The following SERPINB8 variants were observed in gnomAD, a reference collection of about 807,000 sequenced individuals.
SERPINB8 encodes serpin B8.
Under a neutral mutation model 35.3 loss-of-function variants are expected in SERPINB8, and 25 were observed. The ratio of observed to expected loss-of-function variants is 0.71; its 90% CI spans 0.52 to 0.99. The LOEUF (loss-of-function observed/expected upper bound fraction) is 0.99. SERPINB8 is among the 50% of genes least tolerant of loss of function. SERPINB8 has a pLI of 0.00. For synonymous variants in SERPINB8, 186 were observed against 160.8 expected (o/e 1.16, Z -1.19); for missense variants, 484 against 446.5 (o/e 1.08, Z -0.76).
At chr18:63,993,885 A>G (rs1218172760), downstream of SERPINB8, among the ~76,000 whole-genome samples, 2 of 152,086 alleles carry the variant, frequency 1.3e-5, no homozygotes, top group Non-Finnish European at 2.9e-5. Context: ...CTACATTCCG[A>G]GCTCAGACAG....
At chr18:63,993,858 CATGCCT>C (rs1419386288), downstream of SERPINB8, among the ~76,000 whole-genome samples, 1 of 152,198 alleles carries the variant, frequency 6.6e-6, no homozygotes, top group East Asian at 1.9e-4. Flanking sequence ...TGAGCCAGGC[CATGCCT>C]TTATGCATCT....
In SERPINB8 at chr18:63,985,170, C is replaced by T; in HGVS notation, c.645C>T (p.Val215=). 1.2e-6 allele frequency: 2 copies of T among 1,614,180 alleles called. No individual in the cohort carries two copies. The highest frequency in any genetic ancestry group is 1.1e-5 in the South Asian group (1 of 91,084). ...ATGCGGATGAGGTACACACCCAGGTCCTGGAGCTGCCCTATGTGGAAGAGG... is the reference window on the plus strand; with the variant it reads ...ATGCGGATGAGGTACACACCCAGGTTCTGGAGCTGCCCTATGTGGAAGAGG... ...MGYADEVHTQ[V]LELPYVEEEL... The change falls in exon 6 of 7, where the codon GTC becomes GTT. Residue 215 remains valine (V), a synonymous_variant. Coordinates refer to ENST00000397985, the MANE Select transcript of SERPINB8 (RefSeq NM_002640.4).
At chr18:63,994,506 C>T (rs967941750) in intron 1 of SERPINB8, among the ~76,000 whole-genome samples, 1 of 152,162 alleles carries the variant, frequency 6.6e-6, no homozygotes, top group African/African-American at 2.4e-5. Flanking sequence ...AGCCATGCCA[C>T]GGGGTGTCTG....
At chr18:63,975,060 G>A (rs1236610746) in intron 1 of SERPINB8, among the ~76,000 whole-genome samples, 2 of 151,754 alleles carry the variant, frequency 1.3e-5, no homozygotes, top group African/African-American at 2.4e-5. Context: ...AGTTCATTCA[G>A]AACTATTGAA....
chr18:63,972,847 T>C (rs909449253), intron 1 of SERPINB8, among the ~76,000 whole-genome samples: 1 of 152,190 alleles, frequency 6.6e-6, no homozygotes, highest in African/African-American at 2.4e-5. Flanking sequence ...TGCATAGTAT[T>C]CCATGGTGTA....
chr18:64,006,019 G>A (rs1174304742), downstream of SERPINB8, among the ~76,000 whole-genome samples: 1 of 152,156 alleles, frequency 6.6e-6, no homozygotes. Context: ...CAGCTCCCAG[G>A]TCCTTAGGAA....
downstream of SERPINB8, chr18:63,989,422 T>C (rs1226976830): frequency 1.3e-5 from 2 of 152,196 alleles, no homozygotes; most frequent in Non-Finnish European, 2.9e-5. Context: ...TATAGATACA[T>C]AGAAGTAGAA....
At chr18:63,979,180 A>AGG (rs1267094288) in intron 2 of SERPINB8, among the ~76,000 whole-genome samples, 1 of 152,196 alleles carries the variant, frequency 6.6e-6, no homozygotes, top group Non-Finnish European at 1.5e-5. Context: ...CTTTCAACTG[A>AGG]TTGGAGGAGT....
exon 2 of SERPINB8, chr18:64,005,080 A>G (rs59220583): frequency 0.31 from 118,636 of 381,306 alleles, 19,683 homozygotes; most frequent in South Asian, 0.48. Flanking sequence ...AGACATTCAA[A>G]TGTCCAAGAA....
rs780593632 is a variant in SERPINB8 at position 63,987,138 on chromosome 18, G to A, written c.985G>A (p.Ala329Thr). 6 of 1,614,116 alleles carry A rather than the reference G, an allele frequency of 3.7e-6. No homozygotes were observed. Among genetic ancestry groups the A allele is most frequent in the South Asian group, 1.1e-5 (1 of 91,078 alleles). Reference protein sequence around the residue: ...VEVNEEGTEAAAATAVVRNSR... With the variant: ...VEVNEEGTEATAATAVVRNSR... ...GGTCAATGAGGAAGGCACAGAGGCT[G>A]CCGCAGCCACTGCTGTGGTCAGGAA... The change falls in exon 7 of 7, where the codon GCC (alanine) becomes ACC (threonine). Residue 329 changes from alanine to threonine, a missense_variant. Transcript: ENST00000397985.
downstream of SERPINB8, among the ~76,000 whole-genome samples, chr18:63,994,213 C>A (rs1418267854): frequency 6.6e-6 from 1 of 152,026 alleles, no homozygotes; most frequent in African/African-American, 2.4e-5. Flanking sequence ...GGCACCATGT[C>A]CTGGGTAGCC....
intron 7 of SERPINB8, among the ~76,000 whole-genome samples, chr18:64,017,967 A>G (rs1215152684): frequency 6.6e-6 from 1 of 152,242 alleles, no homozygotes; most frequent in Non-Finnish European, 1.5e-5. Context: ...ATTACAAACC[A>G]TGCTGGTCAC....
chr18:63,994,077 C>T (rs2050837192), downstream of SERPINB8, among the ~76,000 whole-genome samples: 1 of 152,088 alleles, frequency 6.6e-6, no homozygotes, highest in African/African-American at 2.4e-5. Context: ...TGTCCCTCCC[C>T]TTGGCTCCTG....
At chr18:64,003,751 C>T (rs1410688325) in intron 1 of SERPINB8, among the ~76,000 whole-genome samples, 2 of 152,100 alleles carry the variant, frequency 1.3e-5, no homozygotes, top group Non-Finnish European at 2.9e-5. Flanking sequence ...ATTCCAGTGT[C>T]AGGCAGGTGA....
downstream of SERPINB8, among the ~76,000 whole-genome samples, chr18:64,009,553 A>C (rs1222174255): frequency 6.6e-6 from 1 of 152,228 alleles, no homozygotes; most frequent in Non-Finnish European, 1.5e-5. Flanking sequence ...CATATGTGGA[A>C]ATGTGAGATG....
At chr18:64,016,775 G>A (rs1202846143) in intron 7 of SERPINB8, among the ~76,000 whole-genome samples, 3 of 152,118 alleles carry the variant, frequency 2.0e-5, no homozygotes, top group African/African-American at 7.2e-5. Context: ...AAGACAAATG[G>A]GAACTGTGAG....
intron 4 of SERPINB8, 44 bp from the exon 5 acceptor site, chr18:63,983,535 C>G: frequency 3.1e-6 from 5 of 1,593,804 alleles, no homozygotes; most frequent in Non-Finnish European, 4.3e-6. Flanking sequence ...TAAAAGAATG[C>G]TTATTTCCCC....
At chr18:63,974,748 G>A (rs982447824) in intron 1 of SERPINB8, among the ~76,000 whole-genome samples, 10 of 152,158 alleles carry the variant, frequency 6.6e-5, no homozygotes, top group African/African-American at 2.4e-4. Flanking sequence ...AAGTCCAAAT[G>A]AGATTGGAAC....
At chr18:63,994,836 C>T (rs1030943681) in intron 1 of SERPINB8, among the ~76,000 whole-genome samples, 3 of 152,186 alleles carry the variant, frequency 2.0e-5, no homozygotes, top group African/African-American at 7.2e-5. Context: ...TGCTGGTTAT[C>T]AAGCCCAGGT....
Sources: gnomAD v4.1 joint callset for allele counts (sites outside exome capture counted in the v4.1 genomes callset) on GRCh38, gnomAD v4.1.1 for gene constraint, MANE v1.5 for transcripts, NCBI Gene and HGNC (gene_info 2026-07-23, HGNC 2026-07-21) for gene names.